ZFAT: variants seen among roughly 807,000 people sequenced by gnomAD.
ZFAT encodes zinc finger protein ZFAT.
Under a neutral mutation model 117.7 loss-of-function variants are expected in ZFAT, and 64 were observed. The observed-to-expected ratio is 0.54, with a 90% CI of 0.44 to 0.67. The LOEUF (loss-of-function observed/expected upper bound fraction) is 0.67. Ranked by LOEUF, ZFAT falls within the 30% of genes least tolerant of loss-of-function variation. The probability of loss-of-function intolerance (pLI) is 0.00; values close to 1 mark genes in which losing one functional copy is unlikely to be tolerated. For synonymous variants in ZFAT, 679 were observed against 615.0 expected (o/e 1.10, Z -1.54); for missense variants, 1,433 against 1,584.5 (o/e 0.90, Z 1.62).
chr8:134,559,599 T>C (rs566961360), intron 11 of ZFAT, among the ~76,000 whole-genome samples: 1 of 152,370 alleles, frequency 6.6e-6, no homozygotes, highest in Non-Finnish European at 1.5e-5. Context: ...TGACAGATTC[T>C]GCCAAACTGA....
chr8:134,768,176 G>GTA, the ZFAT span, among the ~76,000 whole-genome samples: 1 of 152,104 alleles, frequency 6.6e-6, no homozygotes, highest in African/African-American at 2.4e-5. Flanking sequence ...CCAACAGCAC[G>GTA]TGCTCGCTTC....
At chr8:134,753,695 C>A in the ZFAT span, among the ~76,000 whole-genome samples, 2 of 151,956 alleles carry the variant, frequency 1.3e-5, no homozygotes, top group Non-Finnish European at 1.5e-5. Context: ...ACAGTGAAGT[C>A]CAGGTTCACA....
chr8:134,592,920 G>T (rs967159713), intron 7 of ZFAT, among the ~76,000 whole-genome samples: 45 of 152,304 alleles, frequency 3.0e-4, no homozygotes, highest in African/African-American at 1.1e-3. Context: ...ACCAAGCAAC[G>T]ACAGCCAACC....
intron 3 of ZFAT, among the ~76,000 whole-genome samples, chr8:134,618,755 ATAAT>A (rs1434718975): frequency 9.9e-5 from 15 of 152,252 alleles, no homozygotes; most frequent in Admixed American, 9.2e-4. Context: ...AAAGAAATAA[ATAAT>A]TACTTGGAAA....
chr8:134,522,971 T>C (rs1302926748), intron 12 of ZFAT, among the ~76,000 whole-genome samples: 1 of 152,240 alleles, frequency 6.6e-6, no homozygotes, highest in East Asian at 1.9e-4. Context: ...CTCCTGCCTA[T>C]GCCTGGCCTG....
the ZFAT span, among the ~76,000 whole-genome samples, chr8:134,744,808 C>A: frequency 2.7e-4 from 38 of 141,362 alleles, no homozygotes; most frequent in Non-Finnish European, 5.0e-4. Flanking sequence ...CGGCTCACTG[C>A]AACTTCCACC....
chr8:134,481,767 G>T (rs1245587310), intron 15 of ZFAT, among the ~76,000 whole-genome samples: 1 of 152,202 alleles, frequency 6.6e-6, no homozygotes, highest in East Asian at 1.9e-4. Flanking sequence ...GGAGGCCAGC[G>T]TGCCTGACCT....
intron 1 of ZFAT, among the ~76,000 whole-genome samples, chr8:134,664,771 A>G (rs993941413): frequency 6.6e-6 from 1 of 152,256 alleles, no homozygotes; most frequent in African/African-American, 2.4e-5. Context: ...ACCCTGAAAT[A>G]TTCTCATAAT....
At chr8:134,826,142 C>A in the ZFAT span, among the ~76,000 whole-genome samples, 3 of 152,050 alleles carry the variant, frequency 2.0e-5, no homozygotes, top group African/African-American at 7.2e-5. Context: ...CATTTCTGGG[C>A]ACATTCCAGA....
chr8:134,641,554 G>A (rs956330364), intron 2 of ZFAT, among the ~76,000 whole-genome samples: 2 of 152,168 alleles, frequency 1.3e-5, no homozygotes, highest in Non-Finnish European at 2.9e-5. Context: ...CACACGTAGG[G>A]TGTGTATGCG....
intron 9 of ZFAT, 129 bp from the exon 10 acceptor site, chr8:134,584,134 G>C (rs1825901537): frequency 2.9e-6 from 3 of 1,035,716 alleles, no homozygotes; most frequent in Non-Finnish European, 2.7e-6. Flanking sequence ...CATCCGTTTT[G>C]AACACAGCAG....
At chr8:134,805,706 C>T in the ZFAT span, among the ~76,000 whole-genome samples, 35 of 152,310 alleles carry the variant, frequency 2.3e-4, no homozygotes, top group Admixed American at 1.0e-3. Context: ...GGCACAGTGG[C>T]TCATGTCTAT....
At chr8:134,817,410 C>CT in the ZFAT span, among the ~76,000 whole-genome samples, 641 of 97,040 alleles carry the variant, frequency 6.6e-3, 4 homozygotes, top group African/African-American at 0.022. Flanking sequence ...CACACACACA[C>CT]ACACACACAC....
At chr8:134,487,582 T>G (rs1447528576) in intron 15 of ZFAT, among the ~76,000 whole-genome samples, 4 of 152,212 alleles carry the variant, frequency 2.6e-5, no homozygotes. Flanking sequence ...CAAGCTCCCC[T>G]GTTGGACAGG....
the ZFAT span, chr8:134,796,794 AATAAATATAT>A: frequency 6.6e-6 from 1 of 152,232 alleles, no homozygotes; most frequent in Admixed American, 6.5e-5. Context: ...ATCATTAATA[AATAAATATAT>A]ATATGTATGC....
chr8:134,592,678 C>T (rs1351096091), intron 7 of ZFAT, among the ~76,000 whole-genome samples: 1 of 152,200 alleles, frequency 6.6e-6, no homozygotes, highest in Non-Finnish European at 1.5e-5. Context: ...GTGGTTTCCA[C>T]ATTGCTATCA....
In ZFAT at chr8:134,478,327, C is replaced by T; in HGVS notation, c.*155G>A. 1 of 1,170,228 alleles carries T rather than the reference C, an allele frequency of 8.5e-7. No homozygotes were observed. The highest frequency in any genetic ancestry group is 1.5e-5 in the African/African-American group (1 of 64,832). 72.5% of individuals were successfully genotyped at this position (1,170,228 alleles called of 1,614,324 possible). On this transcript the variant is annotated 3_prime_UTR_variant, in exon 16 of 16. Coordinates refer to ENST00000377838, the MANE Select transcript of ZFAT (RefSeq NM_020863.4). This position sits in a 1 kb window ranked among gnomAD's most constrained non-coding sequence, Gnocchi z 5.2. ...GGTGATGCTGACTGCCTTGCCCACC[C>T]CAAGTTGGACTAGGAGAGTCCTATC... is the stretch of plus-strand genomic sequence containing the variant.
chr8:134,657,623 A>G lies in ZFAT; in HGVS notation c.134T>C (p.Ile45Thr). The change falls in exon 2 of 16, where the codon ATT becomes ACT. Residue 45 changes from isoleucine (I) to threonine (T), a missense_variant. Physicochemically the swap from Ile to Thr is moderately conservative, Grantham distance 89. Transcript: ENST00000377838. ...HMEEGVNVDE[I>T]IIPLRPLSTP... ...ACTCAGAGGCCTAAGGGGAATAATA[A>G]TCTCATCAACATTAACCCCTTCTTC... is the stretch of plus-strand genomic sequence containing the variant. The G allele has an allele frequency of 6.2e-6, 10 of 1,614,096 alleles. No individual in the cohort carries two copies. The highest frequency in any genetic ancestry group is 7.6e-6 in the Non-Finnish European group (9 of 1,180,022).
At chr8:134,618,882 CAG>C (rs1234373141) in intron 3 of ZFAT, among the ~76,000 whole-genome samples, 1 of 152,134 alleles carries the variant, frequency 6.6e-6, no homozygotes, top group African/African-American at 2.4e-5. Flanking sequence ...GTGTACAAAA[CAG>C]AGAGAGAGCC....
Sources: allele counts gnomAD v4.1 joint callset (sites outside exome capture counted in the v4.1 genomes callset), GRCh38; gene constraint gnomAD v4.1.1; non-coding constraint Gnocchi (gnomAD v3.1); transcripts MANE v1.5; gene names NCBI Gene and HGNC (gene_info 2026-07-23, HGNC 2026-07-21).